DGAT2L6: variants seen among roughly 807,000 people sequenced by gnomAD.
DGAT2L6 encodes the protein diacylglycerol O-acyltransferase 2 like 6.
DGAT2L6 carries 22 observed loss-of-function variants against 25.5 expected under a neutral mutation model. The observed-to-expected ratio is 0.86, with a 90% CI of 0.62 to 1.23. The LOEUF is 1.23. Among genes scored for constraint, DGAT2L6 ranks in the 50% most tolerant of loss-of-function variants. The pLI, the probability that DGAT2L6 is intolerant of heterozygous loss-of-function variation, is 0.00. For synonymous variants in DGAT2L6, 100 were observed against 94.7 expected (o/e 1.06, Z -0.32); for missense variants, 287 against 253.2 (o/e 1.13, Z -0.91).
Position 70,200,382 on chromosome X carries a change from C to G in DGAT2L6, c.395C>G (p.Pro132Arg). 8.3e-7 allele frequency: 1 copy of G among 1,212,005 alleles called. No individual in the cohort carries two copies. The highest frequency in any genetic ancestry group is 2.2e-5 in the Admixed American group (1 of 46,078). ...TEATGIARIF[P>R]SITPFVGTLE... is the part of the protein sequence containing the mutation. ...GCCACTGGCATTGCTCGGATTTTCC[C>G]ATCCATCACTCCCTTTGTAGGGACC... The change falls in exon 4 of 7, where the codon CCA becomes CGA. Residue 132 changes from proline (P) to arginine (R), a missense_variant. Pro to Arg is a moderately radical substitution (Grantham distance 103). Coordinates refer to ENST00000333026, the MANE Select transcript of DGAT2L6 (RefSeq NM_198512.3).
Position 70,199,274 on chromosome X carries a change from C to G in DGAT2L6, c.89C>G (p.Ala30Gly), listed in dbSNP as rs1318327743. Residue 30 changes from alanine to glycine, a missense_variant, in exon 2 of 7, where the codon GCT becomes GGT. By Grantham distance (60) the Ala-to-Gly change is moderately conservative (BLOSUM62 0). Coordinates refer to ENST00000333026, the MANE Select transcript of DGAT2L6 (RefSeq NM_198512.3). ...QWIPVYIFLG[A>G]IPILLIPYFL... is the part of the protein sequence containing the mutation. ...TGAACCCTTTGTGTCTCCCCAGGAG[C>G]TATTCCCATTCTCCTTATACCCTAC... The G allele has an allele frequency of 2.6e-6, 3 of 1,170,091 alleles. No individual in the cohort carries two copies. Among genetic ancestry groups the G allele is most frequent in the Non-Finnish European group, 3.5e-6 (3 of 868,154 alleles).
intron 1 of DGAT2L6, among the ~76,000 whole-genome samples, chrX:70,195,362 A>G (rs1055713401): frequency 1.8e-5 from 2 of 111,517 alleles, no homozygotes; most frequent in African/African-American, 6.5e-5. Flanking sequence ...AGTGTCTTGA[A>G]GAAATATCTG....
chrX:70,180,498 G>A (rs925151480), intron 1 of DGAT2L6, among the ~76,000 whole-genome samples: 32 of 111,020 alleles, frequency 2.9e-4, no homozygotes, highest in Non-Finnish European at 5.1e-4. Context: ...AAGAATAAAC[G>A]GGATTTTTTT....
chrX:70,198,397 T>C (rs1223722709), intron 1 of DGAT2L6, among the ~76,000 whole-genome samples: 2 of 112,073 alleles, frequency 1.8e-5, no homozygotes, highest in Admixed American at 1.9e-4. Context: ...AGAGATACTG[T>C]CTTGCTTTGT....
chrX:70,200,677 T>C (rs953464998), intron 4 of DGAT2L6, among the ~76,000 whole-genome samples: 1 of 111,161 alleles, frequency 9.0e-6, no homozygotes, highest in Non-Finnish European at 1.9e-5. Flanking sequence ...TAGGCATTCA[T>C]AGGAGTCACC....
chrX:70,179,976 T>A (rs2085338452), intron 1 of DGAT2L6, among the ~76,000 whole-genome samples: 1 of 111,515 alleles, frequency 9.0e-6, no homozygotes, highest in Non-Finnish European at 1.9e-5. Flanking sequence ...GGACACTGTG[T>A]CCTGCTGGGT....
intron 1 of DGAT2L6, among the ~76,000 whole-genome samples, chrX:70,178,256 A>C (rs1405693176): frequency 9.0e-6 from 1 of 110,807 alleles, no homozygotes; most frequent in African/African-American, 3.3e-5. Flanking sequence ...AGTTGGTGTT[A>C]CTAGGTAGGT....
chrX:70,186,888 C>T (rs1023409245), intron 1 of DGAT2L6, among the ~76,000 whole-genome samples: 6 of 112,038 alleles, frequency 5.4e-5, no homozygotes, highest in African/African-American at 9.7e-5. Context: ...TAGGAAGACA[C>T]GTGGGGCTAG....
chrX:70,178,814 A>G (rs775910603), intron 1 of DGAT2L6, among the ~76,000 whole-genome samples: 2 of 112,482 alleles, frequency 1.8e-5, no homozygotes, highest in East Asian at 5.6e-4. Context: ...AATGTAGGCA[A>G]TAAACCACGA....
At chrX:70,185,071 T>C (rs756904259) in intron 1 of DGAT2L6, among the ~76,000 whole-genome samples, 3 of 111,554 alleles carry the variant, frequency 2.7e-5, no homozygotes, top group Non-Finnish European at 5.6e-5. Context: ...TAACCTTTAC[T>C]GGCTATTCAT....
intron 1 of DGAT2L6, among the ~76,000 whole-genome samples, chrX:70,193,767 A>G (rs2085382618): frequency 8.9e-6 from 1 of 112,199 alleles, no homozygotes; most frequent in Non-Finnish European, 1.9e-5. Context: ...TAAAGGCCAT[A>G]TATGAAAAGT....
chrX:70,181,336 C>T (rs956626679), intron 1 of DGAT2L6, among the ~76,000 whole-genome samples: 2 of 112,218 alleles, frequency 1.8e-5, no homozygotes, highest in South Asian at 7.4e-4. Context: ...GCCTGTTGGC[C>T]ATTTGATTTG....
At chrX:70,180,500 G>A (rs1381226391) in intron 1 of DGAT2L6, among the ~76,000 whole-genome samples, 2 of 111,086 alleles carry the variant, frequency 1.8e-5, no homozygotes, top group African/African-American at 6.5e-5. Flanking sequence ...GAATAAACGG[G>A]ATTTTTTTTC....
chrX:70,184,442 C>T (rs2085353224), intron 1 of DGAT2L6, among the ~76,000 whole-genome samples: 1 of 109,214 alleles, frequency 9.2e-6, no homozygotes, highest in Admixed American at 9.7e-5. Flanking sequence ...CAGATACAGG[C>T]TTTTTCTTTT....
chrX:70,193,654 A>G, intron 1 of DGAT2L6, among the ~76,000 whole-genome samples: 2 of 112,292 alleles, frequency 1.8e-5, no homozygotes, highest in Non-Finnish European at 3.8e-5. Flanking sequence ...AAATCATAAG[A>G]TCATCTCAAT....
rs768993529 is a variant in DGAT2L6, at chrX:70,201,870, TTGACTCTTTG to T, written c.473-19_473-10del. 2 of 1,149,034 alleles carry T rather than the reference TTGACTCTTTG, an allele frequency of 1.7e-6. No homozygotes were observed. The highest frequency in any genetic ancestry group is 4.2e-5 in the South Asian group (2 of 47,312). 94.7% of individuals were successfully genotyped at this position (1,149,034 alleles called of 1,213,427 possible). Reference sequence around the variant, plus strand: ...CTCAGGAATGAAGTTTTTCTACCACTTGACTCTTTGGTTTCACAGGTGTGTGCCCTGTGAG... The same window carrying T: ...CTCAGGAATGAAGTTTTTCTACCACTGTTTCACAGGTGTGTGCCCTGTGAG... On this transcript the variant is annotated splice_polypyrimidine_tract_variant and intron_variant, in intron 4 of 6. Transcript: ENST00000333026.
At chrX:70,203,872 G>A (rs1034907420) in intron 5 of DGAT2L6, among the ~76,000 whole-genome samples, 2 of 110,064 alleles carry the variant, frequency 1.8e-5, no homozygotes, top group African/African-American at 6.6e-5. Flanking sequence ...GAGAGAGTAT[G>A]AGGCACACTT....
chrX:70,190,548 C>A (rs893405022), intron 1 of DGAT2L6, among the ~76,000 whole-genome samples: 11 of 111,829 alleles, frequency 9.8e-5, no homozygotes, highest in African/African-American at 3.6e-4. Context: ...GCCATTTGGT[C>A]ATGATTCTGC....
chrX:70,186,108 C>T (rs1480338961), intron 1 of DGAT2L6, among the ~76,000 whole-genome samples: 3 of 112,076 alleles, frequency 2.7e-5, no homozygotes, highest in Non-Finnish European at 5.6e-5. Context: ...TACGGTTTCT[C>T]TTCCTATTAA....
Sources: allele counts gnomAD v4.1 joint callset (sites outside exome capture counted in the v4.1 genomes callset), GRCh38; gene constraint gnomAD v4.1.1; transcripts MANE v1.5; gene names NCBI Gene and HGNC (gene_info 2026-07-23, HGNC 2026-07-21).